The following HERC4 variants were observed in gnomAD, a reference collection of about 807,000 sequenced individuals.
HERC4 encodes the protein HECT and RLD domain containing E3 ubiquitin protein ligase 4.
In HERC4, 28 loss-of-function variants were observed where a neutral mutation model predicts 124.3. That is an observed-to-expected ratio of 0.23 (90% confidence interval 0.17 to 0.31). The LOEUF is 0.31. HERC4 is among the 10% of genes least tolerant of loss of function. The pLI, the probability that HERC4 is intolerant of heterozygous loss-of-function variation, is 1.00. For synonymous variants in HERC4, 407 were observed against 421.5 expected (o/e 0.97, Z 0.42); for missense variants, 713 against 1,229.3 (o/e 0.58, Z 6.28).
Position 68,034,006 on chromosome 10 carries a change from C to T in HERC4, c.644G>A (p.Gly215Glu). ...ACCTAGCTGACCAAACTTGTTGCGT[C>T]CCCATCCAAAGATAGCTCCAGAAAG... ...LTLSGAIFGW[G>E]RNKFGQLGLN... is the part of the protein sequence containing the mutation. Residue 215 changes from glycine (G) to glutamate (E), a missense_variant, in exon 6 of 25, where the codon GGA (glycine) becomes GAA (glutamate). Gly to Glu is a moderately conservative substitution (Grantham distance 98). Transcript: ENST00000373700. 6.2e-7 allele frequency: 1 copy of T among 1,614,074 alleles called. No individual in the cohort carries two copies.
Position 68,013,179 on chromosome 10 carries a change from A to T in HERC4, c.1069+847T>A, listed in dbSNP as rs572249382. Among the ~76,000 whole-genome samples the T allele has an allele frequency of 1.2e-4, 19 of 152,368 alleles. 1 individual carries two copies. The highest frequency in any genetic ancestry group is 4.3e-4 in the African/African-American group (18 of 41,588). On this transcript the variant is annotated intron_variant, in intron 9 of 24. Transcript: ENST00000373700. ...TTATTAAGCAATAAAGCATATTTATAAACTAACATATACACAGTCTTTTAA... is the reference window on the plus strand; with the variant it reads ...TTATTAAGCAATAAAGCATATTTATTAACTAACATATACACAGTCTTTTAA...
At chr10:68,028,479 A>G (rs2039019851) in intron 7 of HERC4, among the ~76,000 whole-genome samples, 1 of 152,184 alleles carries the variant, frequency 6.6e-6, no homozygotes, top group African/African-American at 2.4e-5. Context: ...GTAACACAAA[A>G]TGCCCAAAGG....
intron 3 of HERC4, among the ~76,000 whole-genome samples, chr10:68,053,591 T>C (rs1323078679): frequency 1.3e-5 from 2 of 152,238 alleles, no homozygotes; most frequent in Admixed American, 6.5e-5. Flanking sequence ...GCACCCGGCC[T>C]GGGGACCATT....
chr10:68,059,553 A>ATATATCATAT (rs1564607514), intron 3 of HERC4, among the ~76,000 whole-genome samples: 1 of 88,124 alleles, frequency 1.1e-5, no homozygotes, highest in South Asian at 3.8e-4. Flanking sequence ...ATATATCATA[A>ATATATCATAT]TATATATCAT....
At chr10:67,984,466 C>G (rs2036141136) in intron 15 of HERC4, among the ~76,000 whole-genome samples, 1 of 151,732 alleles carries the variant, frequency 6.6e-6, no homozygotes, top group Admixed American at 6.6e-5. Context: ...AATGGAGACA[C>G]AGAGTAGAAG....
chr10:68,010,990 G>T lies in HERC4; in HGVS notation c.1069+3036C>A, dbSNP rs1309545534. ...ATATCTATAGTTAAGTTCTTCGAAT[G>T]AAGTCTTGAGCCCCTCAGTCATCCA... On this transcript the variant is annotated intron_variant, in intron 9 of 24. Coordinates refer to ENST00000373700, the MANE Select transcript of HERC4 (RefSeq NM_015601.4). 4 of 775,006 alleles carry T rather than the reference G, an allele frequency of 5.2e-6. No individual in the cohort carries two copies. In the African/African-American group the frequency reaches 5.2e-5, roughly 10 times the overall value. 48.0% of individuals were successfully genotyped at this position (775,006 alleles called of 1,614,324 possible). A position where few individuals can be genotyped will look rare whatever the true frequency, so the allele number is the denominator to read the frequency against.
At chr10:67,931,717 G>A (rs1253561205) in intron 23 of HERC4, among the ~76,000 whole-genome samples, 1 of 152,052 alleles carries the variant, frequency 6.6e-6, no homozygotes, top group South Asian at 2.1e-4. Context: ...GAGCCATCGC[G>A]CCTGGCTTGG....
Position 68,020,495 on chromosome 10 carries a change from G to A in HERC4, c.908+5051C>T, listed in dbSNP as rs150112918. On this transcript the variant is annotated intron_variant, in intron 8 of 24. Coordinates refer to ENST00000373700, the MANE Select transcript of HERC4 (RefSeq NM_015601.4). ...TAAAAAAAAAGTTTGGGCCGGGCGC[G>A]GTGGCTCACGCCTGTAATCCCAGCA... Among the ~76,000 whole-genome samples, 229 of 152,040 alleles carry A rather than the reference G, an allele frequency of 1.5e-3. 2 individuals are homozygous for A. In the Middle Eastern group the frequency reaches 0.034, roughly 23 times the overall value.
chr10:67,944,838 T>A (rs904319583), intron 19 of HERC4, among the ~76,000 whole-genome samples: 2 of 152,112 alleles, frequency 1.3e-5, no homozygotes, highest in Non-Finnish European at 2.9e-5. Context: ...CTGTCAACAG[T>A]GGAACTGACC....
At chr10:67,988,056 T>C (rs1463469359) in intron 15 of HERC4, 1 of 152,088 alleles carries the variant, frequency 6.6e-6, no homozygotes, top group Non-Finnish European at 1.5e-5. Flanking sequence ...CTGTCAGGGA[T>C]GAAAATCCAT....
At chr10:67,974,760 G>C (rs1436655945) in intron 15 of HERC4, among the ~76,000 whole-genome samples, 1 of 152,088 alleles carries the variant, frequency 6.6e-6, no homozygotes, top group African/African-American at 2.4e-5. Flanking sequence ...TCCTAATAGA[G>C]AAAGAGAACA....
chr10:68,035,243 C>T (rs576793495), intron 5 of HERC4, among the ~76,000 whole-genome samples: 1 of 151,830 alleles, frequency 6.6e-6, no homozygotes, highest in East Asian at 1.9e-4. Flanking sequence ...ACCTCCATCT[C>T]CCGGGTTCAA....
At chr10:67,973,940 G>A (rs145013992) in intron 15 of HERC4, among the ~76,000 whole-genome samples, 14,304 of 151,202 alleles carry the variant, frequency 0.095, 899 homozygotes, top group Middle Eastern at 0.18. Flanking sequence ...CCAGCTACTC[G>A]GGAGGCTGAG....
intron 15 of HERC4, among the ~76,000 whole-genome samples, chr10:67,982,019 G>C (rs984514798): frequency 1.6e-4 from 24 of 152,258 alleles, no homozygotes; most frequent in African/African-American, 5.3e-4. Flanking sequence ...GTTCAATATT[G>C]TTAAAATGTC....
intron 3 of HERC4, among the ~76,000 whole-genome samples, chr10:68,050,218 G>A (rs2040228749): frequency 1.3e-5 from 2 of 152,046 alleles, no homozygotes; most frequent in South Asian, 2.1e-4. Flanking sequence ...ACTAACAAGC[G>A]TAGTTACTTA....
At chr10:68,059,459 A>AATAATATATT (rs1554830051) in intron 3 of HERC4, among the ~76,000 whole-genome samples, 4 of 83,210 alleles carry the variant, frequency 4.8e-5, no homozygotes, top group African/African-American at 2.3e-4. Flanking sequence ...TATATATTAT[A>AATAATATATT]ATAATATTAT....
At chr10:67,941,417 T>C (rs1347657865) in intron 19 of HERC4, among the ~76,000 whole-genome samples, 2 of 152,070 alleles carry the variant, frequency 1.3e-5, no homozygotes, top group Non-Finnish European at 2.9e-5. Context: ...ATAGGTGAAA[T>C]AATTACTATA....
Position 67,974,105 on chromosome 10 carries a change from CACACACACACACACAT to C in HERC4, c.1807-7319_1807-7304del, listed in dbSNP as rs1451885072. On this transcript the variant is annotated intron_variant, in intron 15 of 24. Coordinates refer to ENST00000373700, the MANE Select transcript of HERC4 (RefSeq NM_015601.4). ...ACACACACACACACACACACACACA[CACACACACACACACAT>C]ACACACAGGGTCAGGAAAACAAGAC... Among the ~76,000 whole-genome samples, 67 of 145,486 alleles carry C rather than the reference CACACACACACACACAT, an allele frequency of 4.6e-4. 1 individual carries two copies. Among genetic ancestry groups the C allele is most frequent in the East Asian group, 2.2e-3 (10 of 4,560 alleles).
Position 68,069,827 on chromosome 10 carries a change from G to A in HERC4, c.226+3056C>T, listed in dbSNP as rs1356261204. 1.1e-5 allele frequency: 8 copies of A among 716,196 alleles called. No individual in the cohort carries two copies. In the Admixed American group the frequency reaches 2.5e-4, roughly 22 times the overall value. 44.4% of individuals were successfully genotyped at this position (716,196 alleles called of 1,614,324 possible). Reference sequence around the variant, plus strand: ...GGAGGCCAAGGCGGGCAGATCACAAGGTCAGGATATCAAGACCATCCTGGC... The same window carrying A: ...GGAGGCCAAGGCGGGCAGATCACAAAGTCAGGATATCAAGACCATCCTGGC... On this transcript the variant is annotated intron_variant, in intron 3 of 24. Transcript: ENST00000373700.
Sources: gnomAD v4.1 joint callset for allele counts (sites outside exome capture counted in the v4.1 genomes callset) on GRCh38, gnomAD v4.1.1 for gene constraint, MANE v1.5 for transcripts, NCBI Gene and HGNC (gene_info 2026-07-23, HGNC 2026-07-21) for gene names.